CTNNBL1: variants seen among roughly 807,000 people sequenced by gnomAD.
CTNNBL1 encodes the protein catenin beta like 1.
CTNNBL1 carries 31 observed loss-of-function variants against 72.7 expected under a neutral mutation model. That is an observed-to-expected ratio of 0.43 (90% CI 0.32 to 0.58). CTNNBL1 has a LOEUF of 0.58. Among genes scored for constraint, CTNNBL1 ranks in the 20% least tolerant of loss-of-function variants. CTNNBL1 has a pLI of 0.08. For missense variants in CTNNBL1, 534 were observed against 725.1 expected, an observed-to-expected ratio of 0.74 and a Z score of 3.03; for synonymous variants, 240 against 267.3, an observed-to-expected ratio of 0.90 and a Z score of 1.00.
chr20:37,832,288 G>A (rs2072216152), intron 11 of CTNNBL1: 1 of 152,256 alleles, frequency 6.6e-6, no homozygotes, highest in Non-Finnish European at 1.5e-5. Flanking sequence ...AACATGTTCA[G>A]TGGCAGACAT....
At chr20:37,809,440 A>G (rs1377911855) in intron 11 of CTNNBL1, among the ~76,000 whole-genome samples, 1 of 152,188 alleles carries the variant, frequency 6.6e-6, no homozygotes, top group Non-Finnish European at 1.5e-5. Flanking sequence ...GCCTTACAAC[A>G]GCCCCTCAAG....
At chr20:37,860,147 C>A in intron 14 of CTNNBL1, 111 bp downstream of exon 14, 1 of 1,490,812 alleles carries the variant, frequency 6.7e-7, no homozygotes, top group South Asian at 1.2e-5. Context: ...TCCTTGAATT[C>A]CTTTACTCTA....
intron 11 of CTNNBL1, among the ~76,000 whole-genome samples, chr20:37,805,854 G>T (rs1249386706): frequency 6.6e-6 from 1 of 152,162 alleles, no homozygotes; most frequent in Non-Finnish European, 1.5e-5. Context: ...AGATCCCATT[G>T]CCTGGTCCCG....
At chr20:37,854,152 G>T (rs1380608443) in intron 13 of CTNNBL1, among the ~76,000 whole-genome samples, 1 of 152,206 alleles carries the variant, frequency 6.6e-6, no homozygotes, top group African/African-American at 2.4e-5. Flanking sequence ...TGAGGAAAGA[G>T]AAGAAAGTGG....
At chr20:37,808,857 G>A (rs746421639) in intron 11 of CTNNBL1, among the ~76,000 whole-genome samples, 1 of 151,922 alleles carries the variant, frequency 6.6e-6, no homozygotes, top group African/African-American at 2.4e-5. Flanking sequence ...CTTCACTGCT[G>A]TCATCTTTTC....
At chr20:37,750,913 C>T (rs1195938451) in intron 4 of CTNNBL1, 1 of 152,194 alleles carries the variant, frequency 6.6e-6, no homozygotes, top group Non-Finnish European at 1.5e-5. Flanking sequence ...TCAGGAAACA[C>T]CACTGATTGG....
chr20:37,726,828 C>T (rs762548395), intron 1 of CTNNBL1, among the ~76,000 whole-genome samples: 10 of 152,304 alleles, frequency 6.6e-5, no homozygotes, highest in Non-Finnish European at 1.5e-4. Flanking sequence ...CACACATTTA[C>T]ACTTTTATAT....
intron 11 of CTNNBL1, among the ~76,000 whole-genome samples, chr20:37,808,425 C>T (rs953100358): frequency 5.3e-5 from 8 of 152,170 alleles, no homozygotes; most frequent in Non-Finnish European, 1.0e-4. Context: ...AGTCTTCGTG[C>T]TGGGCTGTAA....
intron 5 of CTNNBL1, among the ~76,000 whole-genome samples, chr20:37,758,381 G>A (rs973081089): frequency 1.3e-5 from 2 of 152,210 alleles, no homozygotes; most frequent in Non-Finnish European, 2.9e-5. Context: ...TCTGTGAGGC[G>A]CAGCTGTGAC....
At chr20:37,711,784 G>A (rs2072940124) in intron 1 of CTNNBL1, among the ~76,000 whole-genome samples, 1 of 151,896 alleles carries the variant, frequency 6.6e-6, no homozygotes, top group Admixed American at 6.6e-5. Context: ...AAGATCAAGG[G>A]AAAAGCCAAA....
intron 11 of CTNNBL1, among the ~76,000 whole-genome samples, chr20:37,818,578 A>G (rs1181896942): frequency 6.6e-6 from 1 of 152,252 alleles, no homozygotes; most frequent in Non-Finnish European, 1.5e-5. Context: ...AGATGTAAAC[A>G]GGCAGGCAGA....
intron 1 of CTNNBL1, among the ~76,000 whole-genome samples, chr20:37,713,260 C>G (rs1419752005): frequency 1.3e-5 from 2 of 152,212 alleles, no homozygotes; most frequent in African/African-American, 4.8e-5. Context: ...ATAATGAAGA[C>G]TGCAAATCAC....
At chr20:37,718,804 T>C (rs1282436971) in intron 1 of CTNNBL1, among the ~76,000 whole-genome samples, 2 of 152,180 alleles carry the variant, frequency 1.3e-5, no homozygotes, top group Admixed American at 1.3e-4. Flanking sequence ...GGGATTTTAG[T>C]GTTGGCTGAA....
At chr20:37,784,606 A>C (rs1300454525) in intron 10 of CTNNBL1, among the ~76,000 whole-genome samples, 1 of 152,242 alleles carries the variant, frequency 6.6e-6, no homozygotes, top group Non-Finnish European at 1.5e-5. Context: ...ACAAGCAAAG[A>C]GAAAACTAAT....
At chr20:37,783,856 ACTAT>A (rs2073648188) in intron 10 of CTNNBL1, among the ~76,000 whole-genome samples, 2 of 152,214 alleles carry the variant, frequency 1.3e-5, no homozygotes, top group African/African-American at 4.8e-5. Flanking sequence ...ATGGTTTGTC[ACTAT>A]CTATTAAGTC....
chr20:37,770,718 C>T (rs1377389049), intron 7 of CTNNBL1, among the ~76,000 whole-genome samples: 1 of 152,142 alleles, frequency 6.6e-6, no homozygotes, highest in East Asian at 1.9e-4. Context: ...CCTCGGGGCA[C>T]AAATAGCCAT....
intron 4 of CTNNBL1, chr20:37,750,651 C>G (rs761419738): frequency 6.6e-6 from 1 of 152,152 alleles, no homozygotes; most frequent in Admixed American, 6.5e-5. Context: ...ACCACAACAA[C>G]GATCACATGG....
chr20:37,776,090 A>G (rs1197685803), intron 7 of CTNNBL1, among the ~76,000 whole-genome samples: 1 of 152,220 alleles, frequency 6.6e-6, no homozygotes, highest in African/African-American at 2.4e-5. Context: ...CTTAAAGTGA[A>G]ACATACCACA....
At chr20:37,729,376 T>G (rs190473985) in intron 1 of CTNNBL1, among the ~76,000 whole-genome samples, 1 of 152,342 alleles carries the variant, frequency 6.6e-6, no homozygotes, top group African/African-American at 2.4e-5. Context: ...GAAAGTGCTA[T>G]TTTAATGGGA....
Sources: gnomAD v4.1 joint callset for allele counts (sites outside exome capture counted in the v4.1 genomes callset) on GRCh38, gnomAD v4.1.1 for gene constraint, MANE v1.5 for transcripts, NCBI Gene and HGNC (gene_info 2026-07-23, HGNC 2026-07-21) for gene names.